The following DPP10 variants were observed in gnomAD, a reference collection of about 807,000 sequenced individuals.
DPP10 encodes dipeptidyl peptidase like 10.
A neutral mutation model predicts 120.9 loss-of-function variants in DPP10; 33 were observed. The observed-to-expected ratio is 0.27, with a 90% CI of 0.21 to 0.37. The LOEUF (loss-of-function observed/expected upper bound fraction) is 0.37. DPP10 is among the 10% of genes least tolerant of loss of function. The pLI is 1.00. For missense variants in DPP10, 816 were observed against 942.8 expected (o/e 0.87, Z 1.76); for synonymous variants, 337 against 326.1 (o/e 1.03, Z -0.36).
chr2:114,512,577 A>G (rs559654182), intron 1 of DPP10, among the ~76,000 whole-genome samples: 3 of 152,212 alleles, frequency 2.0e-5, no homozygotes, highest in Non-Finnish European at 4.4e-5. Flanking sequence ...GAAAGTGCTA[A>G]ATACCGCAGG....
chr2:115,520,605 C>T (rs76909430), intron 4 of DPP10, among the ~76,000 whole-genome samples: 4,806 of 152,198 alleles, frequency 0.032, 103 homozygotes, highest in Middle Eastern at 0.051. Flanking sequence ...CCCTACTACA[C>T]AGTTCCTAAG....
chr2:114,599,033 G>T (rs888348046), intron 1 of DPP10, among the ~76,000 whole-genome samples: 1 of 151,902 alleles, frequency 6.6e-6, no homozygotes, highest in Non-Finnish European at 1.5e-5. Flanking sequence ...TTCTGCGTTT[G>T]CTTGACCTAA....
At chr2:115,177,827 G>T (rs1249483025) in intron 1 of DPP10, among the ~76,000 whole-genome samples, 1 of 152,012 alleles carries the variant, frequency 6.6e-6, no homozygotes, top group Admixed American at 6.6e-5. Context: ...ACAGTGGCGC[G>T]ATCTCTGCTC....
At chr2:115,770,946 A>C (rs1409516349) in intron 13 of DPP10, among the ~76,000 whole-genome samples, 2 of 152,090 alleles carry the variant, frequency 1.3e-5, no homozygotes, top group East Asian at 3.9e-4. Context: ...ATAACTAATG[A>C]GTGTTTTCTT....
chr2:114,772,630 C>T, intron 1 of DPP10, among the ~76,000 whole-genome samples: 1 of 151,732 alleles, frequency 6.6e-6, no homozygotes, highest in Non-Finnish European at 1.5e-5. Flanking sequence ...TTCCATATCT[C>T]ATGTGTGTTC....
chr2:115,215,204 C>T (rs924765763), intron 1 of DPP10, among the ~76,000 whole-genome samples: 2 of 152,138 alleles, frequency 1.3e-5, no homozygotes, highest in Non-Finnish European at 1.5e-5. Context: ...ATACGTTGTG[C>T]TTCCATTTAT....
chr2:115,256,641 G>A (rs949492956), intron 1 of DPP10, among the ~76,000 whole-genome samples: 1 of 152,176 alleles, frequency 6.6e-6, no homozygotes, highest in African/African-American at 2.4e-5. Flanking sequence ...TGCCTTTGAG[G>A]CCTTTTCCCC....
chr2:115,455,164 A>G (rs1030260970), intron 3 of DPP10, among the ~76,000 whole-genome samples: 3 of 151,938 alleles, frequency 2.0e-5, no homozygotes, highest in African/African-American at 7.2e-5. Context: ...TTGAAGATCT[A>G]TATAAATGGA....
intron 1 of DPP10, among the ~76,000 whole-genome samples, chr2:115,042,852 G>C (rs1559027917): frequency 6.6e-6 from 1 of 152,126 alleles, no homozygotes; most frequent in Non-Finnish European, 1.5e-5. Context: ...GTGTATACTT[G>C]TATATCATTT....
chr2:114,809,033 A>T (rs919013035), intron 1 of DPP10, among the ~76,000 whole-genome samples: 2 of 152,176 alleles, frequency 1.3e-5, no homozygotes, highest in African/African-American at 4.8e-5. Flanking sequence ...TTTTATAATT[A>T]ATTAAGTAAT....
chr2:115,226,007 A>AT lies in DPP10; in HGVS notation c.61-83226dup, dbSNP rs552108780. ...TCCATCAAAACTCTAATTTTTAAATATTTTTTGGACAGTAATGTTAGCTGT... is the reference window on the plus strand; with the variant it reads ...TCCATCAAAACTCTAATTTTTAAATATTTTTTTGGACAGTAATGTTAGCTGT... On this transcript the variant is annotated intron_variant, in intron 1 of 25. Transcript: ENST00000410059. 4.3e-4 allele frequency among the ~76,000 whole-genome samples: 65 copies of AT among 152,148 alleles called. 1 individual carries two copies. The highest frequency in any genetic ancestry group is 6.8e-3 in the Middle Eastern group (2 of 294).
intron 1 of DPP10, among the ~76,000 whole-genome samples, chr2:115,261,459 C>T (rs980410230): frequency 1.3e-5 from 2 of 152,192 alleles, no homozygotes; most frequent in African/African-American, 4.8e-5. Context: ...GAGGAATTCC[C>T]ATTTGGCCTT....
intron 1 of DPP10, among the ~76,000 whole-genome samples, chr2:114,761,962 G>A (rs892084281): frequency 3.9e-5 from 6 of 151,986 alleles, no homozygotes; most frequent in African/African-American, 1.5e-4. Flanking sequence ...AGAAAGCCAG[G>A]CAGCCAAGCC....
At chr2:115,003,772 G>A (rs1368891040) in intron 1 of DPP10, among the ~76,000 whole-genome samples, 1 of 152,052 alleles carries the variant, frequency 6.6e-6, no homozygotes, top group Non-Finnish European at 1.5e-5. Context: ...AGAGATTAAT[G>A]AATAAGCTTA....
In DPP10 at chr2:114,916,240, T is replaced by C. The variant is rs1444986459; in HGVS notation, c.61-392999T>C. On this transcript the variant is annotated intron_variant, in intron 1 of 25. Coordinates refer to ENST00000410059, the MANE Select transcript of DPP10 (RefSeq NM_020868.6). ...ACAAAACCTAGAAGAAATGGATAAA[T>C]TCCTGGAAACATATAACATGCTAAG... is the stretch of plus-strand genomic sequence containing the variant. 2.0e-5 allele frequency among the ~76,000 whole-genome samples: 3 copies of C among 152,180 alleles called. No individual in the cohort carries two copies. In the East Asian group the frequency reaches 5.8e-4, roughly 29 times the overall value.
intron 7 of DPP10, among the ~76,000 whole-genome samples, chr2:115,693,597 A>G (rs1222214538): frequency 6.6e-6 from 1 of 152,200 alleles, no homozygotes; most frequent in Non-Finnish European, 1.5e-5. Context: ...TGACAAAATA[A>G]TAGCACTTTG....
intron 4 of DPP10, among the ~76,000 whole-genome samples, chr2:115,522,119 G>GA (rs1198587513): frequency 4.6e-5 from 7 of 151,744 alleles, no homozygotes; most frequent in African/African-American, 1.2e-4. Flanking sequence ...TAACTTTTTT[G>GA]AAAAAAATGG....
chr2:115,442,363 T>TG (rs2072152891), intron 3 of DPP10, among the ~76,000 whole-genome samples: 1 of 147,260 alleles, frequency 6.8e-6, no homozygotes, highest in African/African-American at 2.5e-5. Flanking sequence ...GTGTGTGTGT[T>TG]TGTGTGTGTG....
intron 21 of DPP10, among the ~76,000 whole-genome samples, chr2:115,828,526 C>T (rs1265341313): frequency 6.6e-6 from 1 of 151,934 alleles, no homozygotes; most frequent in African/African-American, 2.4e-5. Context: ...CCCAAACTCA[C>T]TAATATGCTG....
Sources: gnomAD v4.1 joint callset for allele counts (sites outside exome capture counted in the v4.1 genomes callset) on GRCh38, gnomAD v4.1.1 for gene constraint, MANE v1.5 for transcripts, NCBI Gene and HGNC (gene_info 2026-07-23, HGNC 2026-07-21) for gene names.